Variants in IQCH observed in about 807,000 individuals in gnomAD.
IQCH encodes IQ domain-containing protein H.
IQCH carries 98 observed loss-of-function variants against 117.0 expected under a neutral mutation model. That is an observed-to-expected ratio of 0.84 (90% CI 0.71 to 0.99). The LOEUF (loss-of-function observed/expected upper bound fraction) is 0.99, where lower values mean the gene tolerates loss of function less well. IQCH is among the 50% of genes least tolerant of loss of function. IQCH has a pLI of 0.00. For missense variants in IQCH, 1,102 were observed against 1,243.8 expected (o/e 0.89, Z 1.72); for synonymous variants, 412 against 448.2 (o/e 0.92, Z 1.02).
In IQCH at chr15:67,494,310, TTCA is replaced by T. The variant is rs769664478; in HGVS notation, c.2920_2922del (p.Ile974del). 6.2e-7 allele frequency: 1 copy of T among 1,613,526 alleles called. No individual in the cohort carries two copies. The highest frequency in any genetic ancestry group is 8.5e-7 in the Non-Finnish European group (1 of 1,179,926). ...CCTCATGACCTTTGCTCGCCATCTC[TTCA>T]TCATCCATCAAGAAATATCAGCACC... is the stretch of plus-strand genomic sequence containing the variant. On this transcript the variant is annotated inframe_deletion, in exon 20 of 21. Coordinates refer to ENST00000335894, the MANE Select transcript of IQCH (RefSeq NM_001031715.3). The surrounding 1 kb of genome is among the most constrained non-coding windows in gnomAD (Gnocchi z 5.5).
At position 67,384,893 on chromosome 15, in the gene IQCH, C is replaced by A; in HGVS notation, c.1373-43C>A. 1.6e-6 allele frequency: 2 copies of A among 1,238,458 alleles called. No homozygotes were observed. The highest frequency in any genetic ancestry group is 2.4e-6 in the Non-Finnish European group (2 of 839,812). The allele number at this position is 1,238,458 out of a possible 1,614,324, so 76.7% of individuals were successfully genotyped here. ...ATTCTCTTGTGCCATTTTGCTATAT[C>A]GACTTGCTCTTTCTGTGTTTTGACA... On this transcript the variant is annotated intron_variant, in intron 10 of 20. Transcript: ENST00000335894. This position sits in a 1 kb window ranked among gnomAD's most constrained non-coding sequence, Gnocchi z 4.3.
At chr15:67,261,088 C>T (rs75575695) in intron 1 of IQCH, among the ~76,000 whole-genome samples, 184 bp from the exon 2 acceptor site, 1,840 of 90,026 alleles carry the variant, frequency 0.02, 43 homozygotes, top group African/African-American at 0.062. Context: ...AGTGAAATTC[C>T]ATCTCAAAAA....
rs1359569933 is a variant in IQCH, at chr15:67,386,335, C to A, written c.1456+1316C>A. The stretch of plus-strand genomic sequence containing the variant: ...TATTAGGCTTCTATTTTAAACAACT[C>A]AATAATTCAGTCTGTCTCTACCTGC... On this transcript the variant is annotated intron_variant, in intron 11 of 20. Coordinates refer to ENST00000335894, the MANE Select transcript of IQCH (RefSeq NM_001031715.3). The surrounding 1 kb of genome is among the most constrained non-coding windows in gnomAD (Gnocchi z 5.0). Among the ~76,000 whole-genome samples, 1 of 152,014 alleles carries A rather than the reference C, an allele frequency of 6.6e-6. No homozygotes were observed.
At chr15:67,286,510 C>T (rs1197646301) in intron 4 of IQCH, among the ~76,000 whole-genome samples, 2 of 152,128 alleles carry the variant, frequency 1.3e-5, no homozygotes, top group Non-Finnish European at 2.9e-5. Context: ...GTCATGTTCC[C>T]AAACTTAGGA....
intron 4 of IQCH, among the ~76,000 whole-genome samples, chr15:67,332,648 T>C (rs1968714366): frequency 6.6e-6 from 1 of 152,184 alleles, no homozygotes; most frequent in Non-Finnish European, 1.5e-5. Flanking sequence ...ATGTGAACAT[T>C]ATAAATCTGG....
At chr15:67,279,812 C>G (rs1483108723) in intron 4 of IQCH, among the ~76,000 whole-genome samples, 1 of 152,096 alleles carries the variant, frequency 6.6e-6, no homozygotes, top group African/African-American at 2.4e-5. Flanking sequence ...ACCATCCTGG[C>G]TAACATGGTA....
At chr15:67,272,189 G>A (rs1381147821) in intron 3 of IQCH, among the ~76,000 whole-genome samples, 3 of 151,984 alleles carry the variant, frequency 2.0e-5, no homozygotes, top group Admixed American at 6.6e-5. Flanking sequence ...GAAGCATATT[G>A]TTTAGTTTCC....
chr15:67,418,513 CCACACACACACACA>C (rs368875296), intron 15 of IQCH, among the ~76,000 whole-genome samples: 9 of 114,108 alleles, frequency 7.9e-5, no homozygotes, highest in South Asian at 3.0e-4. Flanking sequence ...CAAGTGGCTA[CCACACACACACACA>C]CACACACACA....
intron 16 of IQCH, among the ~76,000 whole-genome samples, chr15:67,449,418 G>A (rs1189178521): frequency 1.3e-5 from 2 of 152,044 alleles, no homozygotes; most frequent in African/African-American, 4.8e-5. Flanking sequence ...ATAAGGAAGG[G>A]ATCCAGTTTC....
rs1258199639 is a variant in IQCH, at chr15:67,386,769, A to C, written c.1456+1750A>C. Reference sequence around the variant, plus strand: ...ACTGATTACTGACCAGCAATCAAAGAAAGTTTCATCTTCGTATCAATTCCT... The same window carrying C: ...ACTGATTACTGACCAGCAATCAAAGCAAGTTTCATCTTCGTATCAATTCCT... On this transcript the variant is annotated intron_variant, in intron 11 of 20. Coordinates refer to ENST00000335894, the MANE Select transcript of IQCH (RefSeq NM_001031715.3). This position sits in a 1 kb window ranked among gnomAD's most constrained non-coding sequence, Gnocchi z 5.0. Among the ~76,000 whole-genome samples the C allele has an allele frequency of 6.6e-6, 1 of 152,144 alleles. No homozygotes were observed. Among genetic ancestry groups the C allele is most frequent in the African/African-American group, 2.4e-5 (1 of 41,456 alleles).
chr15:67,499,482 A>G (rs1324774138), intron 20 of IQCH, among the ~76,000 whole-genome samples: 1 of 152,150 alleles, frequency 6.6e-6, no homozygotes, highest in African/African-American at 2.4e-5. Flanking sequence ...CGGAGAAACC[A>G]GAACCCTCAT....
chr15:67,428,896 A>G (rs1197270027), intron 16 of IQCH, among the ~76,000 whole-genome samples: 2 of 151,422 alleles, frequency 1.3e-5, no homozygotes, highest in African/African-American at 4.8e-5. Context: ...TCATAGAAAG[A>G]GAAGGATTTG....
Position 67,402,747 on chromosome 15 carries a change from C to T in IQCH, c.2097+2442C>T, listed in dbSNP as rs548366268. 4.6e-5 allele frequency among the ~76,000 whole-genome samples: 7 copies of T among 152,282 alleles called. No individual in the cohort carries two copies. The East Asian group carries it at 5.8e-4, about 13-fold the overall frequency. On this transcript the variant is annotated intron_variant, in intron 14 of 20. Coordinates refer to ENST00000335894, the MANE Select transcript of IQCH (RefSeq NM_001031715.3). Reference sequence around the variant, plus strand: ...AGAAAGGAGAATATGACTGTAAGCACTAAATTATGTTAATACTTACAAATA... The same window carrying T: ...AGAAAGGAGAATATGACTGTAAGCATTAAATTATGTTAATACTTACAAATA...
rs561297023 is a variant in IQCH, at chr15:67,490,984, C to G, written c.2861+920C>G. ...TATTTCATATCTTGGCACATGGTTA[C>G]TTGGTACCTTTAAGTCATCCTACCT... is the stretch of plus-strand genomic sequence containing the variant. On this transcript the variant is annotated intron_variant, in intron 19 of 20. Transcript: ENST00000335894. The surrounding 1 kb of genome is among the most constrained non-coding windows in gnomAD (Gnocchi z 4.9). Among the ~76,000 whole-genome samples, 1 of 152,338 alleles carries G rather than the reference C, an allele frequency of 6.6e-6. No individual in the cohort carries two copies. The highest frequency in any genetic ancestry group is 2.4e-5 in the African/African-American group (1 of 41,570).
At chr15:67,480,314 A>G (rs948786438) in intron 18 of IQCH, among the ~76,000 whole-genome samples, 1 of 152,246 alleles carries the variant, frequency 6.6e-6, no homozygotes, top group African/African-American at 2.4e-5. Context: ...AGTGAAATAT[A>G]AGCAGAGGTA....
rs2083650453 is a variant in IQCH at position 67,491,401 on chromosome 15, G to A, written c.2861+1337G>A. ...TCGATCCTTTTGAACTTAGGCAAAT[G>A]TTCTGGTTTCTTCTCCCTTGCAACT... On this transcript the variant is annotated intron_variant, in intron 19 of 20. Coordinates refer to ENST00000335894, the MANE Select transcript of IQCH (RefSeq NM_001031715.3). The surrounding 1 kb of genome is among the most constrained non-coding windows in gnomAD (Gnocchi z 4.9). Among the ~76,000 whole-genome samples the A allele has an allele frequency of 1.3e-5, 2 of 152,178 alleles. No individual in the cohort carries two copies. Among genetic ancestry groups the A allele is most frequent in the South Asian group, 2.1e-4 (1 of 4,832 alleles).
intron 3 of IQCH, among the ~76,000 whole-genome samples, chr15:67,263,501 T>C (rs1443913724): frequency 1.3e-5 from 2 of 152,122 alleles, no homozygotes; most frequent in African/African-American, 4.8e-5. Context: ...TAAAAAAAAA[T>C]AAGTTAATGG....
chr15:67,336,536 T>C (rs954929674), intron 4 of IQCH, among the ~76,000 whole-genome samples: 1 of 152,200 alleles, frequency 6.6e-6, no homozygotes, highest in Non-Finnish European at 1.5e-5. Flanking sequence ...AGAATTAATA[T>C]TGATTGACAT....
chr15:67,332,409 A>G (rs1202665081), intron 4 of IQCH, among the ~76,000 whole-genome samples: 9 of 152,176 alleles, frequency 5.9e-5, no homozygotes, highest in African/African-American at 2.2e-4. Flanking sequence ...TTTGGAGAAA[A>G]GAAAGGATGA....
Sources: gnomAD v4.1 joint callset for allele counts (sites outside exome capture counted in the v4.1 genomes callset) on GRCh38, gnomAD v4.1.1 for gene constraint, Gnocchi (gnomAD v3.1) non-coding constraint, MANE v1.5 for transcripts, NCBI Gene and HGNC (gene_info 2026-07-23, HGNC 2026-07-21) for gene names.